ARHGAP15: variants seen among roughly 807,000 people sequenced by gnomAD.
The protein encoded by ARHGAP15 is Rho GTPase activating protein 15.
Under a neutral mutation model 63.7 loss-of-function variants are expected in ARHGAP15, and 51 were observed. The observed-to-expected ratio is 0.80, with a 90% confidence interval of 0.64 to 1.01. ARHGAP15 has a LOEUF of 1.01. ARHGAP15 is among the 50% of genes least tolerant of loss of function. The pLI is 0.00. For missense variants in ARHGAP15, 560 were observed against 564.6 expected (o/e 0.99, Z 0.08); for synonymous variants, 191 against 193.8 (o/e 0.99, Z 0.12).
chr2:143,631,109 C>G (rs755429779), intron 12 of ARHGAP15, among the ~76,000 whole-genome samples: 3 of 151,910 alleles, frequency 2.0e-5, no homozygotes, highest in Non-Finnish European at 4.4e-5. Flanking sequence ...GGGGGAGAGG[C>G]TTTTTTTCAT....
At chr2:143,262,422 A>G (rs1223499476) in intron 6 of ARHGAP15, among the ~76,000 whole-genome samples, 1 of 151,704 alleles carries the variant, frequency 6.6e-6, no homozygotes, top group Non-Finnish European at 1.5e-5. Context: ...TTTATCATCT[A>G]CCACCTTCAC....
intron 12 of ARHGAP15, chr2:143,656,207 A>C (rs1681425201): frequency 6.6e-6 from 1 of 152,226 alleles, no homozygotes; most frequent in African/African-American, 2.4e-5. Context: ...AGACACCACA[A>C]ATGGCTGAAA....
chr2:143,618,523 G>A (rs1360218083), intron 11 of ARHGAP15, among the ~76,000 whole-genome samples: 1 of 152,122 alleles, frequency 6.6e-6, no homozygotes, highest in African/African-American at 2.4e-5. Context: ...TCTGTATCCT[G>A]GGAAAGCTAG....
chr2:143,350,333 ATAGT>A (rs903776454), intron 6 of ARHGAP15, among the ~76,000 whole-genome samples: 5 of 152,082 alleles, frequency 3.3e-5, no homozygotes, highest in East Asian at 1.9e-4. Flanking sequence ...AACATCTGTA[ATAGT>A]TAGGAGAGTT....
At chr2:143,675,236 C>A (rs1682766648) in intron 12 of ARHGAP15, among the ~76,000 whole-genome samples, 1 of 152,198 alleles carries the variant, frequency 6.6e-6, no homozygotes, top group South Asian at 2.1e-4. Context: ...GGCTCTACTT[C>A]TAGTTTTAGT....
Position 143,435,886 on chromosome 2 carries a change from T to C in ARHGAP15, c.573+187T>C, listed in dbSNP as rs189604309. Among the ~76,000 whole-genome samples the C allele has an allele frequency of 2.0e-3, 309 of 152,268 alleles. 2 individuals carry two copies. Among genetic ancestry groups the C allele is most frequent in the African/African-American group, 7.3e-3 (303 of 41,578 alleles). On this transcript the variant is annotated intron_variant, in intron 7 of 13. Coordinates refer to ENST00000295095, the MANE Select transcript of ARHGAP15 (RefSeq NM_018460.4). ...AGACAGGATTTGTAGAACTGTCGTT[T>C]AATTTCTCTCTTTCAAAAATATAGT...
chr2:143,744,779 C>T (rs1686099077), intron 13 of ARHGAP15, among the ~76,000 whole-genome samples: 1 of 152,074 alleles, frequency 6.6e-6, no homozygotes, highest in African/African-American at 2.4e-5. Flanking sequence ...CTTCAATATC[C>T]ACCTACAACC....
intron 10 of ARHGAP15, among the ~76,000 whole-genome samples, chr2:143,544,799 A>G (rs551879644): frequency 6.6e-6 from 1 of 152,320 alleles, no homozygotes; most frequent in South Asian, 2.1e-4. Context: ...AGTTTAACAC[A>G]GGTCCATCTG....
chr2:143,425,390 ATAT>A (rs1016185246), intron 6 of ARHGAP15, among the ~76,000 whole-genome samples: 16 of 152,074 alleles, frequency 1.1e-4, no homozygotes, highest in African/African-American at 3.9e-4. Flanking sequence ...ACTATATTAC[ATAT>A]TATATATAAC....
intron 12 of ARHGAP15, chr2:143,641,298 CTG>C (rs1226107975): frequency 6.6e-6 from 1 of 151,946 alleles, no homozygotes; most frequent in African/African-American, 2.4e-5. Context: ...AAAAAACAAA[CTG>C]TGTATTCATA....
intron 10 of ARHGAP15, among the ~76,000 whole-genome samples, chr2:143,532,004 GTATACAGGAGA>G (rs1694541526): frequency 6.6e-6 from 1 of 152,162 alleles, no homozygotes; most frequent in South Asian, 2.1e-4. Flanking sequence ...CTCTATTGTT[GTATACAGGAGA>G]CAATGCATGT....
chr2:143,191,180 C>T (rs1405460533), intron 2 of ARHGAP15, among the ~76,000 whole-genome samples: 2 of 152,088 alleles, frequency 1.3e-5, no homozygotes, highest in Non-Finnish European at 2.9e-5. Flanking sequence ...CTACGCAGGT[C>T]GAGGAACTAG....
intron 2 of ARHGAP15, among the ~76,000 whole-genome samples, chr2:143,199,476 T>C (rs1692019090): frequency 6.6e-6 from 1 of 152,098 alleles, no homozygotes; most frequent in African/African-American, 2.4e-5. Context: ...TACTGGCCTA[T>C]GTATGGTTTC....
intron 13 of ARHGAP15, among the ~76,000 whole-genome samples, chr2:143,756,869 T>A (rs1261341538): frequency 6.6e-6 from 1 of 152,228 alleles, no homozygotes; most frequent in Non-Finnish European, 1.5e-5. Flanking sequence ...CCAAGACTTC[T>A]TGTTGACTCT....
intron 6 of ARHGAP15, among the ~76,000 whole-genome samples, chr2:143,388,947 A>AT (rs886520936): frequency 3.3e-5 from 5 of 151,240 alleles, no homozygotes; most frequent in Admixed American, 6.6e-5. Flanking sequence ...TGGAGAATTA[A>AT]TTTTTTTTTA....
intron 6 of ARHGAP15, among the ~76,000 whole-genome samples, chr2:143,331,583 A>C (rs560014974): frequency 6.6e-6 from 1 of 152,328 alleles, no homozygotes; most frequent in South Asian, 2.1e-4. Flanking sequence ...AATAATGAAA[A>C]TTTTAGCAGT....
At chr2:143,332,457 G>A (rs1281841973) in intron 6 of ARHGAP15, among the ~76,000 whole-genome samples, 1 of 151,632 alleles carries the variant, frequency 6.6e-6, no homozygotes, top group African/African-American at 2.4e-5. Context: ...GTATCTAATA[G>A]GCCTATTCAC....
intron 12 of ARHGAP15, among the ~76,000 whole-genome samples, chr2:143,651,276 G>A (rs974496238): frequency 7.3e-5 from 11 of 151,722 alleles, no homozygotes; most frequent in Non-Finnish European, 1.5e-4. Flanking sequence ...GTTTCCCCAC[G>A]CCCTTTCATA....
intron 6 of ARHGAP15, among the ~76,000 whole-genome samples, chr2:143,303,356 A>G (rs1455592986): frequency 6.6e-6 from 1 of 152,120 alleles, no homozygotes; most frequent in Non-Finnish European, 1.5e-5. Flanking sequence ...ATATGAATGG[A>G]CACTTCTCAA....
Sources: gnomAD v4.1 joint callset for allele counts (sites outside exome capture counted in the v4.1 genomes callset) on GRCh38, gnomAD v4.1.1 for gene constraint, MANE v1.5 for transcripts, NCBI Gene and HGNC (gene_info 2026-07-23, HGNC 2026-07-21) for gene names.